The following WWOX variants were observed in gnomAD, a reference collection of about 807,000 sequenced individuals.
WWOX encodes the protein WW domain containing oxidoreductase, also known as WW domain-containing oxidoreductase.
A neutral mutation model predicts 46.2 loss-of-function variants in WWOX; 69 were observed. The observed-to-expected ratio is 1.49, with a 90% CI of 1.23 to 1.82. The LOEUF (loss-of-function observed/expected upper bound fraction) is 1.82, where lower values mean the gene tolerates loss of function less well. WWOX is among the 40% of genes most tolerant of loss of function. WWOX has a pLI of 0.00. For missense variants in WWOX, 919 were observed against 542.6 expected, an observed-to-expected ratio of 1.69 and a Z score of -6.89; for synonymous variants, 359 against 202.6, an observed-to-expected ratio of 1.77 and a Z score of -6.56.
intron 8 of WWOX, among the ~76,000 whole-genome samples, chr16:79,095,184 C>T (rs966302888): frequency 1.3e-5 from 2 of 152,188 alleles, no homozygotes; most frequent in African/African-American, 4.8e-5. Flanking sequence ...GAGCTGCTGT[C>T]TTTGTCCACC....
chr16:78,935,452 G>T (rs556380332), intron 8 of WWOX, among the ~76,000 whole-genome samples: 66 of 152,234 alleles, frequency 4.3e-4, no homozygotes, highest in Middle Eastern at 3.4e-3. Flanking sequence ...CATGTCTCTT[G>T]TAGGGACATG....
intron 4 of WWOX, among the ~76,000 whole-genome samples, chr16:78,141,634 A>G (rs998581161): frequency 2.0e-5 from 3 of 152,174 alleles, no homozygotes; most frequent in African/African-American, 4.8e-5. Flanking sequence ...AGTTACGTAG[A>G]CATACTTCCA....
intron 8 of WWOX, among the ~76,000 whole-genome samples, chr16:78,728,791 C>G (rs1004389137): frequency 1.3e-5 from 2 of 152,160 alleles, no homozygotes; most frequent in African/African-American, 2.4e-5. Context: ...GTGTCCTTGT[C>G]TACACTCAGC....
intron 5 of WWOX, among the ~76,000 whole-genome samples, chr16:78,337,299 T>C (rs746733719): frequency 6.6e-6 from 1 of 152,148 alleles, no homozygotes; most frequent in Non-Finnish European, 1.5e-5. Context: ...AGTACAGTTG[T>C]AGATTTACAA....
rs550239767 is a variant in WWOX at position 78,231,701 on chromosome 16, C to A, written c.516+67412C>A. Among the ~76,000 whole-genome samples, 353 of 152,264 alleles carry A rather than the reference C, an allele frequency of 2.3e-3. 1 individual carries two copies. The highest frequency in any genetic ancestry group is 8.2e-3 in the African/African-American group (342 of 41,548). Reference sequence around the variant, plus strand: ...CATAATTATTATCAATTGCCTCTCTCCTGGAATTGCCATTGGCTGAGTGGA... The same window carrying A: ...CATAATTATTATCAATTGCCTCTCTACTGGAATTGCCATTGGCTGAGTGGA... On this transcript the variant is annotated intron_variant, in intron 5 of 8. Coordinates refer to ENST00000566780, the MANE Select transcript of WWOX (RefSeq NM_016373.4).
At position 78,345,109 on chromosome 16, in the gene WWOX, T is replaced by C. The variant is rs1488206233; in HGVS notation, c.517-41751T>C. 1.7e-5 allele frequency among the ~76,000 whole-genome samples: 2 copies of C among 118,494 alleles called. 1 individual carries two copies. The highest frequency in any genetic ancestry group is 4.0e-5 in the Non-Finnish European group (2 of 49,960). 77.7% of individuals were successfully genotyped at this position (118,494 alleles called of 152,430 possible). ...TGTCGTTTTCTCATAAAGTTGACTA[T>C]GGCTATTGGTGGTACTAGTATGACT... On this transcript the variant is annotated intron_variant, in intron 5 of 8. Transcript: ENST00000566780.
At chr16:79,102,760 A>G (rs1337228536) in intron 8 of WWOX, among the ~76,000 whole-genome samples, 2 of 152,148 alleles carry the variant, frequency 1.3e-5, no homozygotes, top group Non-Finnish European at 2.9e-5. Flanking sequence ...TTTAAATTTT[A>G]TTTGTTTCAT....
chr16:78,335,054 T>C (rs2080856373), intron 5 of WWOX, among the ~76,000 whole-genome samples: 1 of 152,110 alleles, frequency 6.6e-6, no homozygotes, highest in African/African-American at 2.4e-5. Context: ...TTGTTAGACA[T>C]AGAAATTCTT....
Position 78,105,200 on chromosome 16 carries a change from G to A in WWOX, c.108-3223G>A, listed in dbSNP as rs144820927. Among the ~76,000 whole-genome samples, 885 of 152,280 alleles carry A rather than the reference G, an allele frequency of 5.8e-3. 9 individuals are homozygous for A. The highest frequency in any genetic ancestry group is 0.02 in the African/African-American group (847 of 41,554). On this transcript the variant is annotated intron_variant, in intron 1 of 8. Transcript: ENST00000566780. The stretch of plus-strand genomic sequence containing the variant: ...ATGCAGGCCGGGTGCAGTGGTTCAC[G>A]CCTGTAATCCCAGCACTTTGGGAGG...
chr16:78,519,286 C>G (rs2043300244), intron 8 of WWOX, among the ~76,000 whole-genome samples: 1 of 152,086 alleles, frequency 6.6e-6, no homozygotes, highest in Admixed American at 6.6e-5. Flanking sequence ...GGCCACAGAG[C>G]TTGCTCCGAT....
intron 8 of WWOX, among the ~76,000 whole-genome samples, chr16:78,970,828 A>T (rs948663124): frequency 6.6e-6 from 1 of 152,156 alleles, no homozygotes. Context: ...TTCATGTACC[A>T]GGAAGTCTTG....
At chr16:79,033,054 G>A (rs1458086912) in intron 8 of WWOX, among the ~76,000 whole-genome samples, 1 of 150,870 alleles carries the variant, frequency 6.6e-6, no homozygotes, top group Non-Finnish European at 1.5e-5. Flanking sequence ...ATTTGCTAAG[G>A]ATAATGGCCT....
At chr16:79,092,853 A>G (rs888566467) in intron 8 of WWOX, among the ~76,000 whole-genome samples, 8 of 152,174 alleles carry the variant, frequency 5.3e-5, no homozygotes, top group South Asian at 2.1e-4. Context: ...CTCAGCCCTC[A>G]TAACCCCCCA....
At chr16:78,556,305 CAGT>C (rs1438835284) in intron 8 of WWOX, among the ~76,000 whole-genome samples, 5 of 151,330 alleles carry the variant, frequency 3.3e-5, no homozygotes, top group Non-Finnish European at 7.4e-5. Context: ...GACATGGAGA[CAGT>C]CGGCGATTGG....
intron 5 of WWOX, among the ~76,000 whole-genome samples, chr16:78,170,874 T>C (rs1199254046): frequency 6.6e-6 from 1 of 152,188 alleles, no homozygotes; most frequent in East Asian, 1.9e-4. Flanking sequence ...CCAGAGGTAA[T>C]GGAATGTGCA....
intron 4 of WWOX, among the ~76,000 whole-genome samples, chr16:78,143,891 G>A (rs546495077): frequency 2.3e-4 from 35 of 151,012 alleles, no homozygotes; most frequent in African/African-American, 7.3e-4. Context: ...CTCACTTCAC[G>A]TTTCGGATCA....
chr16:79,198,579 A>T, intron 8 of WWOX, among the ~76,000 whole-genome samples: 1 of 152,158 alleles, frequency 6.6e-6, no homozygotes, highest in East Asian at 1.9e-4. Flanking sequence ...CTACGGGATA[A>T]TTGACAAATG....
intron 8 of WWOX, among the ~76,000 whole-genome samples, chr16:78,883,282 G>T (rs1265048697): frequency 7.0e-6 from 1 of 143,718 alleles, no homozygotes. Context: ...TCTCTCATCA[G>T]TAACGCAGTA....
intron 8 of WWOX, among the ~76,000 whole-genome samples, chr16:78,951,388 C>T (rs751551381): frequency 2.6e-5 from 4 of 152,058 alleles, no homozygotes; most frequent in Non-Finnish European, 5.9e-5. Flanking sequence ...CTCAGTGGGT[C>T]ACATGTAAAT....
Sources: allele counts gnomAD v4.1 joint callset (sites outside exome capture counted in the v4.1 genomes callset), GRCh38; gene constraint gnomAD v4.1.1; transcripts MANE v1.5; gene names NCBI Gene and HGNC (gene_info 2026-07-23, HGNC 2026-07-21).